Variants in ERFL observed in about 807,000 individuals in gnomAD.
The protein encoded by ERFL is ETS repressor factor like.
Under a neutral mutation model 27.9 loss-of-function variants are expected in ERFL, and 8 were observed. The observed-to-expected ratio is 0.29, with a 90% CI of 0.17 to 0.52. The LOEUF (loss-of-function observed/expected upper bound fraction) is 0.52. Ranked by LOEUF, ERFL falls within the 20% of genes least tolerant of loss-of-function variation. ERFL has a pLI of 0.97. For synonymous variants in ERFL, 174 were observed against 202.8 expected, an observed-to-expected ratio of 0.86 and a Z score of 1.21; for missense variants, 294 against 444.4, an observed-to-expected ratio of 0.66 and a Z score of 3.04.
chr19:41,910,021 G>C lies in ERFL; in HGVS notation c.144C>G (p.Ile48Met), dbSNP rs1555851119. ...ACTCCTCCTTCTGCAGCAGCTCCAG[G>C]ATAAAGTGCCACAGCTGGATCTGCC... ...GSRQIQLWHFILELLQKEEYQ... is the reference protein window; with the variant it reads ...GSRQIQLWHFMLELLQKEEYQ... Residue 48 changes from isoleucine (I) to methionine (M), a missense_variant, in exon 3 of 6, where the codon ATC becomes ATG. Ile to Met is a conservative substitution (Grantham distance 10, BLOSUM62 1). Transcript: ENST00000597630. The surrounding 1 kb of genome is among the most constrained non-coding windows in gnomAD (Gnocchi z 4.4). The C allele has an allele frequency of 6.2e-7, 1 of 1,613,572 alleles. No homozygotes were observed. The highest frequency in any genetic ancestry group is 1.3e-5 in the African/African-American group (1 of 74,914).
rs1421019458 is a variant in ERFL, at chr19:41,910,961, TACTA to T, written c.68-868_68-865del. On this transcript the variant is annotated intron_variant, in intron 2 of 5. Coordinates refer to ENST00000597630, the MANE Select transcript of ERFL (RefSeq NM_001365103.2). This position sits in a 1 kb window ranked among gnomAD's most constrained non-coding sequence, Gnocchi z 4.4. ...AATTACACATCTCAAGACTGGGACT[TACTA>T]ACAACACAAATGCCTGACAAGACAC... Among the ~76,000 whole-genome samples, 49 of 152,148 alleles carry T rather than the reference TACTA, an allele frequency of 3.2e-4. No individual in the cohort carries two copies. Among genetic ancestry groups the T allele is most frequent in the African/African-American group, 9.6e-4 (40 of 41,492 alleles).
At chr19:41,925,084 T>A (rs1449757255) in intron 1 of ERFL, among the ~76,000 whole-genome samples, 9 of 152,096 alleles carry the variant, frequency 5.9e-5, no homozygotes, top group Admixed American at 5.9e-4. Flanking sequence ...GGGACAGGGC[T>A]GTTTTCAGGA....
chr19:41,925,732 A>G (rs2074867547), intron 1 of ERFL, among the ~76,000 whole-genome samples: 1 of 152,074 alleles, frequency 6.6e-6, no homozygotes. Context: ...AATCCTTGGA[A>G]GTCAGTGTAC....
intron 1 of ERFL, among the ~76,000 whole-genome samples, chr19:41,914,396 C>G (rs2074774178): frequency 6.6e-6 from 1 of 151,704 alleles, no homozygotes; most frequent in Admixed American, 6.6e-5. Flanking sequence ...ACTGCCCTCT[C>G]CCTCTCGTCT....
In ERFL at chr19:41,909,940, G is replaced by A. The variant is rs1219199511; in HGVS notation, c.225C>T (p.Pro75=). ...TACCCCACAGCCGGGCCACCTCATC[G>A]GGGTCTTTGATGACGAATTCCCCGT... ...GDYGEFVIKD[P]DEVARLWGIR... is the part of the protein sequence containing the mutation. Residue 75 remains proline, a synonymous_variant, in exon 3 of 6, where the codon CCC becomes CCT. Transcript: ENST00000597630. This position sits in a 1 kb window ranked among gnomAD's most constrained non-coding sequence, Gnocchi z 5.2. The A allele has an allele frequency of 2.5e-5, 41 of 1,613,762 alleles. No homozygotes were observed. The highest frequency in any genetic ancestry group is 1.0e-4 in the Admixed American group (6 of 59,980).
chr19:41,915,219 A>ACACGTTATAAC (rs1555851856), intron 1 of ERFL, among the ~76,000 whole-genome samples: 1 of 134,778 alleles, frequency 7.4e-6, no homozygotes, highest in Non-Finnish European at 1.5e-5. Flanking sequence ...CCTCCTCCGG[A>ACACGTTATAAC]CACGTTATAA....
At chr19:41,924,187 A>G (rs1406451561) in intron 1 of ERFL, among the ~76,000 whole-genome samples, 2 of 151,710 alleles carry the variant, frequency 1.3e-5, no homozygotes, top group Non-Finnish European at 2.9e-5. Context: ...AGTGTCACCA[A>G]AGTCCCTAGG....
chr19:41,908,691 G>A lies in ERFL; in HGVS notation c.617-15C>T. The A allele has an allele frequency of 8.2e-7, 1 of 1,225,938 alleles. No individual in the cohort carries two copies. Among genetic ancestry groups the A allele is most frequent in the Non-Finnish European group, 1.0e-6 (1 of 982,818 alleles). The allele number at this position is 1,225,938 out of a possible 1,614,324, so 75.9% of individuals were successfully genotyped here. ...GCTGGTGGCACCTGGGGGGCACAGGGGTAGGTCAGGCTGGGGCACCTGCCT... is the reference window on the plus strand; with the variant it reads ...GCTGGTGGCACCTGGGGGGCACAGGAGTAGGTCAGGCTGGGGCACCTGCCT... On this transcript the variant is annotated splice_polypyrimidine_tract_variant and intron_variant, in intron 5 of 5. Transcript: ENST00000597630. This position sits in a 1 kb window ranked among gnomAD's most constrained non-coding sequence, Gnocchi z 6.7.
chr19:41,918,243 AACACACCATACAT>A (rs1460492094), intron 1 of ERFL, among the ~76,000 whole-genome samples: 2 of 150,778 alleles, frequency 1.3e-5, no homozygotes, highest in African/African-American at 4.9e-5. Flanking sequence ...ACACACCACA[AACACACCATACAT>A]ACACACCCCC....
In ERFL at chr19:41,908,689, G is replaced by C. The variant is rs1014053524; in HGVS notation, c.617-13C>G. ...TAGCTGGTGGCACCTGGGGGGCACA[G>C]GGGTAGGTCAGGCTGGGGCACCTGC... On this transcript the variant is annotated splice_polypyrimidine_tract_variant and intron_variant, in intron 5 of 5. Coordinates refer to ENST00000597630, the MANE Select transcript of ERFL (RefSeq NM_001365103.2). The surrounding 1 kb of genome is among the most constrained non-coding windows in gnomAD (Gnocchi z 6.7). 3.3e-6 allele frequency: 4 copies of C among 1,227,608 alleles called. No homozygotes were observed. The African/African-American group carries it at 6.2e-5, about 19-fold the overall frequency. The allele number at this position is 1,227,608 out of a possible 1,614,324, so 76.0% of individuals were successfully genotyped here.
intron 1 of ERFL, among the ~76,000 whole-genome samples, chr19:41,924,741 C>CT (rs1257088019): frequency 6.6e-6 from 1 of 152,096 alleles, no homozygotes; most frequent in Non-Finnish European, 1.5e-5. Context: ...ACACATGTGT[C>CT]TAACACATGC....
At position 41,914,666 on chromosome 19, in the gene ERFL, C is replaced by A. The variant is rs1476713183; in HGVS notation, c.-13-1734G>T. On this transcript the variant is annotated intron_variant, in intron 1 of 5. Coordinates refer to ENST00000597630, the MANE Select transcript of ERFL (RefSeq NM_001365103.2). ...CCCTCCCTTTCCACCATCTCTGTCT[C>A]TCCCTCCCCTTCCACCATCTCTGTC... 1.1e-3 allele frequency among the ~76,000 whole-genome samples: 37 copies of A among 32,736 alleles called. 3 individuals are homozygous for A. Among genetic ancestry groups the A allele is most frequent in the African/African-American group, 5.2e-3 (14 of 2,704 alleles). 21.5% of individuals were successfully genotyped at this position (32,736 alleles called of 152,430 possible). A position where few individuals can be genotyped will look rare whatever the true frequency, so the allele number is the denominator to read the frequency against.
intron 1 of ERFL, among the ~76,000 whole-genome samples, chr19:41,914,562 CATCTCT>C (rs1202939543): frequency 0.01 from 786 of 76,832 alleles, 46 homozygotes; most frequent in African/African-American, 0.021. Flanking sequence ...CCCCTTCCAC[CATCTCT>C]GTCTCCGTCT....
chr19:41,907,804 TG>T lies in ERFL; in HGVS notation c.*423del. 5.9e-6 allele frequency: 1 copy of T among 170,762 alleles called. No individual in the cohort carries two copies. Among genetic ancestry groups the T allele is most frequent in the East Asian group, 1.6e-4 (1 of 6,344 alleles). The allele number at this position is 170,762 out of a possible 1,614,324, so 10.6% of individuals were successfully genotyped here. On this transcript the variant is annotated 3_prime_UTR_variant, in exon 6 of 6. Transcript: ENST00000597630. ...AGGGGGGCCCCTCCTGGGTGGGGGC[TG>T]GGGGCGGGGTTATTGCTCTGAGCTC...
chr19:41,919,558 C>T (rs1264361404), intron 1 of ERFL, among the ~76,000 whole-genome samples: 1 of 152,116 alleles, frequency 6.6e-6, no homozygotes, highest in African/African-American at 2.4e-5. Flanking sequence ...AACCCAGACT[C>T]AGACACAAGC....
chr19:41,917,431 C>G lies in ERFL; in HGVS notation c.-13-4499G>C, dbSNP rs959572211. 6.6e-6 allele frequency among the ~76,000 whole-genome samples: 1 copy of G among 152,000 alleles called. No homozygotes were observed. The highest frequency in any genetic ancestry group is 1.5e-5 in the Non-Finnish European group (1 of 67,974). ...GCGCCGGCCGCCTCGGGAGCCGCCT[C>G]GGGCCTCGCACCCCCACCACCAGCC... On this transcript the variant is annotated intron_variant, in intron 1 of 5. Coordinates refer to ENST00000597630, the MANE Select transcript of ERFL (RefSeq NM_001365103.2). The surrounding 1 kb of genome is among the most constrained non-coding windows in gnomAD (Gnocchi z 4.8).
chr19:41,919,099 C>T (rs1030713397), intron 1 of ERFL, among the ~76,000 whole-genome samples: 1 of 151,722 alleles, frequency 6.6e-6, no homozygotes, highest in Non-Finnish European at 1.5e-5. Flanking sequence ...CCACATGCCA[C>T]ACATAACACA....
chr19:41,927,867 G>A (rs1383782465), intron 1 of ERFL, among the ~76,000 whole-genome samples, 173 bp downstream of exon 1: 1 of 151,452 alleles, frequency 6.6e-6, no homozygotes, highest in Non-Finnish European at 1.5e-5. Flanking sequence ...AGAGTTGGGC[G>A]CTGCCCCACC....
chr19:41,926,745 C>G lies in ERFL; in HGVS notation c.-14+1295G>C, dbSNP rs561602130. Among the ~76,000 whole-genome samples, 56 of 152,240 alleles carry G rather than the reference C, an allele frequency of 3.7e-4. No homozygotes were observed. In the South Asian group the frequency reaches 5.4e-3, roughly 15 times the overall value. The stretch of plus-strand genomic sequence containing the variant: ...GGAGCGGGCGGGGGGGCCGTTTAGC[C>G]GTGATAGATCCGCGCGCCGCTTGTC... On this transcript the variant is annotated intron_variant, in intron 1 of 5. Transcript: ENST00000597630.
Sources: gnomAD v4.1 joint callset for allele counts (sites outside exome capture counted in the v4.1 genomes callset) on GRCh38, gnomAD v4.1.1 for gene constraint, Gnocchi (gnomAD v3.1) non-coding constraint, MANE v1.5 for transcripts, NCBI Gene and HGNC (gene_info 2026-07-23, HGNC 2026-07-21) for gene names.